PLIN5: variants seen among roughly 807,000 people sequenced by gnomAD.
The protein encoded by PLIN5 is perilipin 5.
Under a neutral mutation model 32.8 loss-of-function variants are expected in PLIN5, and 34 were observed. The observed-to-expected ratio is 1.04, with a 90% CI of 0.79 to 1.38. The LOEUF is 1.38. Among genes scored for constraint, PLIN5 ranks in the 40% most tolerant of loss-of-function variants. The pLI is 0.00. For synonymous variants in PLIN5, 309 were observed against 292.9 expected, an observed-to-expected ratio of 1.05 and a Z score of -0.56; for missense variants, 712 against 660.5, an observed-to-expected ratio of 1.08 and a Z score of -0.85.
Position 4,523,181 on chromosome 19 carries a change from T to A in PLIN5, c.*347A>T. On this transcript the variant is annotated 3_prime_UTR_variant, in exon 8 of 8. Transcript: ENST00000381848. This position sits in a 1 kb window ranked among gnomAD's most constrained non-coding sequence, Gnocchi z 5.0. ...TTCAGATGATCCACCTGCCTCAGAC[T>A]CCCAAAGTGCTGGGATTACAGGCGT... 1 of 199,266 alleles carries A rather than the reference T, an allele frequency of 5.0e-6. No homozygotes were observed. The highest frequency in any genetic ancestry group is 1.0e-5 in the Non-Finnish European group (1 of 99,662). 12.3% of individuals were successfully genotyped at this position (199,266 alleles called of 1,614,324 possible). A position where few individuals can be genotyped will look rare whatever the true frequency, so the allele number is the denominator to read the frequency against.
chr19:4,531,932 T>G (rs1314448043), intron 2 of PLIN5, 110 bp from the exon 3 acceptor site: 1 of 1,181,264 alleles, frequency 8.5e-7, no homozygotes, highest in African/African-American at 1.5e-5. Context: ...AGTGGAAGGA[T>G]GGAGTACTGA....
chr19:4,533,562 C>T (rs1976912434), intron 2 of PLIN5: 1 of 237,846 alleles, frequency 4.2e-6, no homozygotes, highest in African/African-American at 2.2e-5. Context: ...TTGGGCAAGC[C>T]ACTGAACTGT....
chr19:4,527,914 CTTT>C (rs534330544), intron 5 of PLIN5, among the ~76,000 whole-genome samples: 3 of 143,714 alleles, frequency 2.1e-5, no homozygotes, highest in African/African-American at 5.1e-5. Context: ...GCCTCACTGC[CTTT>C]TTTTTTTTTT....
At chr19:4,531,579 G>C in intron 3 of PLIN5, 48 bp downstream of exon 3, 1 of 1,455,796 alleles carries the variant, frequency 6.9e-7, no homozygotes, top group Non-Finnish European at 9.1e-7. Context: ...GGGGGCGGTG[G>C]GGGGGTGGCA....
chr19:4,527,559 AAAAAAAAC>A (rs1400097468), intron 5 of PLIN5, among the ~76,000 whole-genome samples: 1 of 148,916 alleles, frequency 6.7e-6, no homozygotes, highest in Non-Finnish European at 1.5e-5. Context: ...AAAAAAAAAA[AAAAAAAAC>A]AACAATGGTT....
In PLIN5 at chr19:4,534,031, C is replaced by T; in HGVS notation, c.44G>A (p.Trp15Ter). 6.2e-7 allele frequency: 1 copy of T among 1,613,236 alleles called. No homozygotes were observed. Among genetic ancestry groups the T allele is most frequent in the South Asian group, 1.1e-5 (1 of 90,796 alleles). The change falls in exon 2 of 8, where the codon TGG (tryptophan) becomes TAG (stop). Residue 15 changes from tryptophan (W) to a stop codon, truncating the protein, a stop_gained. Transcript: ENST00000381848. LOFTEE classifies it high-confidence loss of function. ...AGCCCTCACCTGCTGGTCCTGCTCC[C>T]ACACACTGGATCTGGGGATCTGAGC... is the stretch of plus-strand genomic sequence containing the variant. ...EAAQIPRSSV[W>*]EQDQQNVVQR...
At chr19:4,527,414 C>T (rs957706782) in intron 5 of PLIN5, among the ~76,000 whole-genome samples, 2 of 151,774 alleles carry the variant, frequency 1.3e-5, no homozygotes, top group African/African-American at 4.8e-5. Context: ...TGGTGTGCAC[C>T]TCTAGTTCCA....
At chr19:4,527,871 G>GAGTGCCTGGCACACAAGA (rs1568244484) in intron 5 of PLIN5, among the ~76,000 whole-genome samples, 2 of 151,352 alleles carry the variant, frequency 1.3e-5, no homozygotes, top group African/African-American at 2.4e-5. Context: ...AAAAATTCAG[G>GAGTGCCTGGCACACAAGA]AGTGCCTGGC....
intron 2 of PLIN5, chr19:4,532,420 G>A (rs965299561): frequency 6.6e-6 from 1 of 152,276 alleles, no homozygotes; most frequent in Non-Finnish European, 1.5e-5. Flanking sequence ...GGTCAGGCTG[G>A]TCTCAAACTA....
At position 4,524,647 on chromosome 19, in the gene PLIN5, C is replaced by T. The variant is rs941351837; in HGVS notation, c.834+316G>A. 8.5e-5 allele frequency among the ~76,000 whole-genome samples: 13 copies of T among 152,098 alleles called. No homozygotes were observed. In the East Asian group the frequency reaches 1.3e-3, roughly 16 times the overall value. ...TGGAGGGAGGGAAAGCGAGAAGGGG[C>T]GGGAAGCCAGGGACTACTGCTTGCT... On this transcript the variant is annotated intron_variant, in intron 7 of 7. Coordinates refer to ENST00000381848, the MANE Select transcript of PLIN5 (RefSeq NM_001013706.3).
At chr19:4,527,689 A>ACAAAAATT (rs1378491210) in intron 5 of PLIN5, among the ~76,000 whole-genome samples, 2 of 151,086 alleles carry the variant, frequency 1.3e-5, no homozygotes, top group Non-Finnish European at 2.9e-5. Flanking sequence ...TACTAAATAC[A>ACAAAAATT]CAAAAATTAG....
At chr19:4,534,329 T>C (rs1286737270) in intron 1 of PLIN5, 4 of 536,060 alleles carry the variant, frequency 7.5e-6, no homozygotes, top group Non-Finnish European at 9.9e-6. Flanking sequence ...GCATGGTCTC[T>C]GAGGTGAGAA....
intron 3 of PLIN5, among the ~76,000 whole-genome samples, chr19:4,530,829 C>G (rs149694368): frequency 1.3e-5 from 2 of 151,922 alleles, no homozygotes; most frequent in Admixed American, 6.6e-5. Flanking sequence ...CCCTCCACCA[C>G]GCCTGGATAA....
intron 5 of PLIN5, among the ~76,000 whole-genome samples, chr19:4,527,337 G>A (rs1331487712): frequency 6.6e-6 from 1 of 151,676 alleles, no homozygotes; most frequent in African/African-American, 2.4e-5. Context: ...CTCCCAAAGT[G>A]CTGGGATTAC....
At position 4,529,845 on chromosome 19, in the gene PLIN5, G is replaced by A. The variant is rs372793168; in HGVS notation, c.278C>T (p.Ala93Val). ...TTCCAGCTTGTCCAGGCCCCTGCAG[G>A]CGAGGCTGTTCATAGTGGCCACTGA... ...QPQLATMNSL[A>V]CRGLDKLEEK... The change falls in exon 4 of 8, where the codon GCC becomes GTC. Residue 93 changes from alanine (A) to valine (V), a missense_variant. Transcript: ENST00000381848. The A allele has an allele frequency of 2.6e-5, 42 of 1,608,350 alleles. No homozygotes were observed. Among genetic ancestry groups the A allele is most frequent in the Non-Finnish European group, 3.4e-5 (40 of 1,176,312 alleles).
chr19:4,531,834 G>C lies in PLIN5; in HGVS notation c.61-12C>G, dbSNP rs1420088711. The C allele has an allele frequency of 6.5e-7, 1 of 1,528,470 alleles. No individual in the cohort carries two copies. The highest frequency in any genetic ancestry group is 1.4e-5 in the African/African-American group (1 of 72,968). The allele number at this position is 1,528,470 out of a possible 1,614,324, so 94.7% of individuals were successfully genotyped here. A position where few individuals can be genotyped will look rare whatever the true frequency, so the allele number is the denominator to read the frequency against. ...CGCTGCACCACGTTCTGCGGGAAGG[G>C]TCGGCATCAGGGGGACCCTGGGGGA... is the stretch of plus-strand genomic sequence containing the variant. On this transcript the variant is annotated splice_polypyrimidine_tract_variant and intron_variant, in intron 2 of 7. Transcript: ENST00000381848.
rs777453690 is a variant in PLIN5, at chr19:4,525,846, TACGGGGACAGC to T, written c.521-25_521-15del. Reference sequence around the variant, plus strand: ...CCGCCAGTGCCGCTGGAGGACAGGATACGGGGACAGCACGGGGACAGGATACGGGGACAGCA... The same window carrying T: ...CCGCCAGTGCCGCTGGAGGACAGGATACGGGGACAGGATACGGGGACAGCA... On this transcript the variant is annotated splice_polypyrimidine_tract_variant and intron_variant, in intron 5 of 7. Coordinates refer to ENST00000381848, the MANE Select transcript of PLIN5 (RefSeq NM_001013706.3). This position sits in a 1 kb window ranked among gnomAD's most constrained non-coding sequence, Gnocchi z 5.6. 3.1e-5 allele frequency: 48 copies of T among 1,559,844 alleles called. No homozygotes were observed. Among genetic ancestry groups the T allele is most frequent in the East Asian group, 2.1e-4 (9 of 43,304 alleles).
At position 4,523,719 on chromosome 19, in the gene PLIN5, C is replaced by T. The variant is rs745654911; in HGVS notation, c.1201G>A (p.Gly401Arg). ...DLADLVDEVI[G>R]GPDPRWAHLD... The stretch of plus-strand genomic sequence containing the variant: ...TGCGCCCAGCGGGGGTCAGGGCCCC[C>T]GATGACCTCGTCCACCAGGTCCGCC... Residue 401 changes from glycine to arginine, a missense_variant, in exon 8 of 8, where the codon GGG (glycine) becomes AGG (arginine). Gly to Arg is a moderately radical substitution (Grantham distance 125, BLOSUM62 -2). Transcript: ENST00000381848. The surrounding 1 kb of genome is among the most constrained non-coding windows in gnomAD (Gnocchi z 5.0). The T allele has an allele frequency of 3.1e-5, 49 of 1,602,744 alleles. No individual in the cohort carries two copies. The highest frequency in any genetic ancestry group is 6.7e-5 in the African/African-American group (5 of 74,888).
intron 3 of PLIN5, among the ~76,000 whole-genome samples, chr19:4,530,082 T>TG (rs1402697194): frequency 6.6e-6 from 1 of 152,070 alleles, no homozygotes; most frequent in Non-Finnish European, 1.5e-5. Flanking sequence ...AAGAAGCCGC[T>TG]TACACCAAAG....
Sources: gnomAD v4.1 joint callset for allele counts (sites outside exome capture counted in the v4.1 genomes callset) on GRCh38, gnomAD v4.1.1 for gene constraint, Gnocchi (gnomAD v3.1) non-coding constraint, MANE v1.5 for transcripts, NCBI Gene and HGNC (gene_info 2026-07-23, HGNC 2026-07-21) for gene names.